The following UBE2E2 variants were observed in gnomAD, a reference collection of about 807,000 sequenced individuals.
UBE2E2 encodes ubiquitin-conjugating enzyme E2 E2.
A neutral mutation model predicts 24.7 loss-of-function variants in UBE2E2; 6 were observed. The observed-to-expected ratio is 0.24, with a 90% CI of 0.13 to 0.48. The LOEUF (loss-of-function observed/expected upper bound fraction) is 0.48. UBE2E2 is among the 20% of genes least tolerant of loss of function. The probability of loss-of-function intolerance (pLI) is 0.99; values close to 1 mark genes in which losing one functional copy is unlikely to be tolerated. For missense variants in UBE2E2, 169 were observed against 245.0 expected, an observed-to-expected ratio of 0.69 and a Z score of 2.07; for synonymous variants, 104 against 83.6, an observed-to-expected ratio of 1.24 and a Z score of -1.33.
intron 3 of UBE2E2, among the ~76,000 whole-genome samples, chr3:23,434,247 T>C (rs1009903855): frequency 6.6e-5 from 10 of 152,254 alleles, no homozygotes; most frequent in South Asian, 4.2e-4. Flanking sequence ...TAAATACTTA[T>C]TGAATGTGGT....
chr3:23,223,086 C>A (rs1696705626), intron 3 of UBE2E2, among the ~76,000 whole-genome samples: 1 of 123,272 alleles, frequency 8.1e-6, no homozygotes, highest in Non-Finnish European at 1.6e-5. Flanking sequence ...GTGGCGTGAT[C>A]TCTGCTCACT....
At chr3:23,436,170 G>C (rs992059398) in intron 3 of UBE2E2, among the ~76,000 whole-genome samples, 1 of 128,274 alleles carries the variant, frequency 7.8e-6, no homozygotes, top group Non-Finnish European at 1.7e-5. Context: ...CCAGGGTTTG[G>C]GGATCCCTGG....
chr3:23,382,296 C>G (rs1696693396), intron 3 of UBE2E2, among the ~76,000 whole-genome samples: 1 of 150,164 alleles, frequency 6.7e-6, no homozygotes, highest in South Asian at 2.1e-4. Flanking sequence ...ATTCTCCTGC[C>G]TCAGCCTCCA....
chr3:23,237,633 T>C (rs1347706508), intron 3 of UBE2E2, among the ~76,000 whole-genome samples: 2 of 152,166 alleles, frequency 1.3e-5, no homozygotes, highest in Non-Finnish European at 2.9e-5. Flanking sequence ...TTGTGTTTAT[T>C]GGTGAAAACA....
chr3:23,469,381 A>G (rs1300674820), intron 3 of UBE2E2, among the ~76,000 whole-genome samples: 1 of 152,214 alleles, frequency 6.6e-6, no homozygotes, highest in African/African-American at 2.4e-5. Flanking sequence ...AGGGATTCCT[A>G]ACTTATCTAC....
intron 3 of UBE2E2, among the ~76,000 whole-genome samples, chr3:23,296,728 T>G (rs147531682): frequency 6.6e-6 from 1 of 152,224 alleles, no homozygotes; most frequent in Non-Finnish European, 1.5e-5. Flanking sequence ...TTTAGGTTGG[T>G]TCCAAGTCTT....
At position 23,291,063 on chromosome 3, in the gene UBE2E2, T is replaced by C. The variant is rs117321688; in HGVS notation, c.227+73751T>C. Among the ~76,000 whole-genome samples the C allele has an allele frequency of 7.6e-3, 630 of 82,954 alleles. 29 individuals are homozygous for C. In the East Asian group the frequency reaches 0.15, roughly 20 times the overall value. The allele number at this position is 82,954 out of a possible 152,430, so 54.4% of individuals were successfully genotyped here. ...CAGCCTGGGAGACAGAGCAAGACCC[T>C]GTCTTTAAAAAAAAAAAACAAAAAA... is the stretch of plus-strand genomic sequence containing the variant. On this transcript the variant is annotated intron_variant, in intron 3 of 5. Transcript: ENST00000396703.
At chr3:23,455,995 A>G (rs1378034126) in intron 3 of UBE2E2, among the ~76,000 whole-genome samples, 1 of 152,234 alleles carries the variant, frequency 6.6e-6, no homozygotes, top group Non-Finnish European at 1.5e-5. Flanking sequence ...AGTCCTCTCA[A>G]ACTCTGCCAC....
intron 3 of UBE2E2, among the ~76,000 whole-genome samples, chr3:23,333,931 A>G (rs1695136786): frequency 6.6e-6 from 1 of 152,222 alleles, no homozygotes; most frequent in African/African-American, 2.4e-5. Flanking sequence ...TCAAGTTCAG[A>G]TCATAGAACT....
intron 3 of UBE2E2, among the ~76,000 whole-genome samples, chr3:23,453,737 T>C (rs1698617165): frequency 2.0e-5 from 3 of 152,182 alleles, no homozygotes; most frequent in African/African-American, 7.2e-5. Flanking sequence ...TTCCTAACCC[T>C]CTGCAACCAA....
intron 3 of UBE2E2, among the ~76,000 whole-genome samples, chr3:23,336,617 A>C (rs974633503): frequency 2.6e-5 from 4 of 152,252 alleles, no homozygotes; most frequent in African/African-American, 7.2e-5. Flanking sequence ...AATTGTAACA[A>C]GTACATAAAG....
chr3:23,349,336 C>A (rs1356577663), intron 3 of UBE2E2, among the ~76,000 whole-genome samples: 2 of 152,198 alleles, frequency 1.3e-5, no homozygotes, highest in African/African-American at 4.8e-5. Context: ...GCATTTCCAT[C>A]TGAGGTACTG....
chr3:23,408,831 T>C (rs1299346337), intron 3 of UBE2E2, among the ~76,000 whole-genome samples: 1 of 152,142 alleles, frequency 6.6e-6, no homozygotes, highest in Non-Finnish European at 1.5e-5. Context: ...CATTTGTCAG[T>C]TTTTGTTCTT....
intron 3 of UBE2E2, among the ~76,000 whole-genome samples, chr3:23,458,282 A>C (rs893704704): frequency 1.3e-5 from 2 of 151,842 alleles, no homozygotes; most frequent in Admixed American, 1.3e-4. Context: ...CAGTCAGTGG[A>C]GCAGTCACAC....
intron 3 of UBE2E2, among the ~76,000 whole-genome samples, chr3:23,406,968 G>A (rs771333565): frequency 5.1e-4 from 78 of 152,278 alleles, no homozygotes; most frequent in Admixed American, 1.2e-3. Flanking sequence ...CAGGGGCTGG[G>A]GTGTGGAAGG....
intron 3 of UBE2E2, among the ~76,000 whole-genome samples, chr3:23,371,275 C>T (rs1696393149): frequency 6.6e-6 from 1 of 152,090 alleles, no homozygotes; most frequent in African/African-American, 2.4e-5. Flanking sequence ...AGGTAATCCT[C>T]CCACCTCAGC....
chr3:23,582,109 T>C (rs931702119), intron 5 of UBE2E2, among the ~76,000 whole-genome samples: 7 of 152,318 alleles, frequency 4.6e-5, no homozygotes, highest in African/African-American at 1.7e-4. Flanking sequence ...TTTGTGTCCA[T>C]GGGTACTGAA....
chr3:23,315,844 CT>C (rs762384752), intron 3 of UBE2E2, among the ~76,000 whole-genome samples: 7 of 151,916 alleles, frequency 4.6e-5, no homozygotes, highest in Non-Finnish European at 1.0e-4. Flanking sequence ...ATACCCTAAG[CT>C]TAGTAATGCT....
intron 3 of UBE2E2, among the ~76,000 whole-genome samples, chr3:23,250,582 C>T (rs748097367): frequency 3.9e-5 from 6 of 152,270 alleles, no homozygotes; most frequent in Non-Finnish European, 7.4e-5. Flanking sequence ...TCTGCATCTG[C>T]GATGAAACTA....
Sources: allele counts gnomAD v4.1 joint callset (sites outside exome capture counted in the v4.1 genomes callset), GRCh38; gene constraint gnomAD v4.1.1; transcripts MANE v1.5; gene names NCBI Gene and HGNC (gene_info 2026-07-23, HGNC 2026-07-21).